The following TRPM1 variants were observed in gnomAD, a reference collection of about 807,000 sequenced individuals.
TRPM1 encodes transient receptor potential cation channel subfamily M member 1.
A neutral mutation model predicts 149.4 loss-of-function variants in TRPM1; 113 were observed. The ratio of observed to expected loss-of-function variants is 0.76; its 90% CI spans 0.65 to 0.88. TRPM1 has a LOEUF of 0.88. Among genes scored for constraint, TRPM1 ranks in the 40% least tolerant of loss-of-function variants. The pLI, the probability that TRPM1 is intolerant of heterozygous loss-of-function variation, is 0.00. For missense variants in TRPM1, 1,976 were observed against 2,038.7 expected, an observed-to-expected ratio of 0.97 and a Z score of 0.59; for synonymous variants, 741 against 759.5, an observed-to-expected ratio of 0.98 and a Z score of 0.40.
chr15:31,072,156 T>C (rs1368418936), intron 3 of TRPM1, among the ~76,000 whole-genome samples: 1 of 151,674 alleles, frequency 6.6e-6, no homozygotes, highest in Non-Finnish European at 1.5e-5. Context: ...TATTTTAAGT[T>C]ATCTTCCTTC....
chr15:31,037,222 AG>A (rs2033428192), intron 20 of TRPM1, among the ~76,000 whole-genome samples: 1 of 152,240 alleles, frequency 6.6e-6, no homozygotes, highest in Non-Finnish European at 1.5e-5. Flanking sequence ...ATGGCTTGCC[AG>A]CCAAGCGGGT....
intron 27 of TRPM1, among the ~76,000 whole-genome samples, chr15:31,023,565 G>A (rs1050474522): frequency 1.3e-5 from 2 of 152,220 alleles, no homozygotes; most frequent in Admixed American, 6.5e-5. Flanking sequence ...CCTGTACTAG[G>A]TGCGTTGGGG....
intron 7 of TRPM1, 82 bp from the exon 8 acceptor site, chr15:31,063,374 A>G: frequency 6.4e-7 from 1 of 1,566,200 alleles, no homozygotes; most frequent in Non-Finnish European, 8.8e-7. Context: ...AGTATGGGGA[A>G]GAGTAAAAAC....
chr15:31,104,840 CACCCT>C (rs2035580118), upstream of TRPM1, among the ~76,000 whole-genome samples: 1 of 152,070 alleles, frequency 6.6e-6, no homozygotes, highest in Non-Finnish European at 1.5e-5. Context: ...GTGATCCGCC[CACCCT>C]GGCCTCCCAA....
Position 31,002,255 on chromosome 15 carries a change from G to A in TRPM1, c.4445C>T (p.Ser1482Leu). The A allele has an allele frequency of 6.2e-7, 1 of 1,614,218 alleles. No homozygotes were observed. The highest frequency in any genetic ancestry group is 8.5e-7 in the Non-Finnish European group (1 of 1,180,040). Residue 1482 changes from serine to leucine, a missense_variant, in exon 28 of 28, where the codon TCA becomes TTA. Around this residue, in one of 3 missense-constraint regions of TRPM1, gnomAD observed 572 missense variants for 578.9 expected, o/e 0.99. Coordinates refer to ENST00000256552, the MANE Select transcript of TRPM1 (RefSeq NM_001252024.2). ...GGVNQDVEYS[S>L]ITDQQLTTEW... ...CGTCGTCAATTGCTGGTCCGTGATT[G>A]AACTGTACTCTACATCCTGGTTAAC...
chr15:31,010,592 A>G (rs1262048834), intron 27 of TRPM1, among the ~76,000 whole-genome samples: 1 of 152,128 alleles, frequency 6.6e-6, no homozygotes, highest in Non-Finnish European at 1.5e-5. Flanking sequence ...CCAAATTTTC[A>G]TTTGTTATTA....
intron 17 of TRPM1, among the ~76,000 whole-genome samples, chr15:31,041,453 A>T (rs2033615353): frequency 6.6e-6 from 1 of 152,088 alleles, no homozygotes; most frequent in Admixed American, 6.5e-5. Context: ...CCCGGCCAGG[A>T]GAACCAATTT....
At chr15:31,161,043 G>A (rs910236274) in exon 1 of TRPM1, 6 of 1,378,760 alleles carry the variant, frequency 4.4e-6, no homozygotes, top group Middle Eastern at 1.9e-4. Context: ...CCCTGGGTGG[G>A]CAGGAGCGGA....
chr15:31,113,610 T>C (rs1234893045), intron 1 of TRPM1, among the ~76,000 whole-genome samples: 6 of 152,234 alleles, frequency 3.9e-5, no homozygotes, highest in African/African-American at 1.4e-4. Flanking sequence ...ACAAGTAAAC[T>C]TGTGTCATAG....
intron 1 of TRPM1, among the ~76,000 whole-genome samples, chr15:31,133,379 T>A (rs1403851468): frequency 6.6e-6 from 1 of 151,350 alleles, no homozygotes; most frequent in African/African-American, 2.4e-5. Flanking sequence ...AACAGCATGA[T>A]CCACATGGTG....
chr15:31,006,851 A>G (rs2032008965), intron 27 of TRPM1, among the ~76,000 whole-genome samples: 1 of 151,144 alleles, frequency 6.6e-6, no homozygotes, highest in East Asian at 2.0e-4. Context: ...TCTGGTTTTA[A>G]TTTTCATTTC....
intron 1 of TRPM1, among the ~76,000 whole-genome samples, chr15:31,158,693 G>A (rs771332634): frequency 6.6e-6 from 1 of 151,078 alleles, no homozygotes; most frequent in Non-Finnish European, 1.5e-5. Context: ...CATAGACAGA[G>A]TAGGACGTTC....
rs140679710 is a variant in TRPM1 at position 31,033,711 on chromosome 15, C to T, written c.2701-771G>A. Among the ~76,000 whole-genome samples the T allele has an allele frequency of 5.4e-3, 826 of 151,974 alleles. 4 individuals carry two copies. The highest frequency in any genetic ancestry group is 9.0e-3 in the Non-Finnish European group (614 of 67,992). ...AGTTTAACAACCCATGCACACTAGC[C>T]GATGGCCACCCTCTCTCTCCTATAA... On this transcript the variant is annotated intron_variant, in intron 21 of 27. Coordinates refer to ENST00000256552, the MANE Select transcript of TRPM1 (RefSeq NM_001252024.2).
intron 21 of TRPM1, among the ~76,000 whole-genome samples, chr15:31,033,791 A>T (rs374246035): frequency 1.3e-5 from 2 of 152,222 alleles, no homozygotes; most frequent in Non-Finnish European, 1.5e-5. Context: ...GTGGACCCTC[A>T]GCAAGGCCAG....
At chr15:31,139,793 A>G (rs2036135768) in intron 1 of TRPM1, among the ~76,000 whole-genome samples, 1 of 152,240 alleles carries the variant, frequency 6.6e-6, no homozygotes, top group African/African-American at 2.4e-5. Flanking sequence ...CATTGAGATG[A>G]TGGCTAACTT....
At chr15:31,010,734 T>A (rs2032154967) in intron 27 of TRPM1, among the ~76,000 whole-genome samples, 1 of 152,196 alleles carries the variant, frequency 6.6e-6, no homozygotes, top group Non-Finnish European at 1.5e-5. Flanking sequence ...GCTTATAAAA[T>A]GAATATATAT....
chr15:31,048,710 G>T (rs1411474272), intron 13 of TRPM1, among the ~76,000 whole-genome samples: 1 of 152,032 alleles, frequency 6.6e-6, no homozygotes, highest in Non-Finnish European at 1.5e-5. Context: ...TACTCAGGAG[G>T]CTGGGATCGG....
At chr15:31,035,789 A>T in intron 20 of TRPM1, 115 bp from the exon 21 acceptor site, 3 of 1,477,444 alleles carry the variant, frequency 2.0e-6, no homozygotes, top group Non-Finnish European at 2.8e-6. Context: ...TTCCAACTGG[A>T]CTGACTCATT....
At chr15:31,027,250 C>A in intron 25 of TRPM1, 133 bp from the exon 26 acceptor site, 1 of 771,338 alleles carries the variant, frequency 1.3e-6, no homozygotes, top group Non-Finnish European at 2.1e-6. Flanking sequence ...GTACTGATTC[C>A]TTGATTATCC....
Sources: gnomAD v4.1 joint callset for allele counts (sites outside exome capture counted in the v4.1 genomes callset) on GRCh38, gnomAD v4.1.1 for gene constraint, gnomAD v4.1.1 regional missense constraint, MANE v1.5 for transcripts, NCBI Gene and HGNC (gene_info 2026-07-23, HGNC 2026-07-21) for gene names.